Variants in STK39 observed in about 807,000 individuals in gnomAD.
STK39 encodes the protein STE20/SPS1-related proline-alanine-rich protein kinase.
In STK39, 20 loss-of-function variants were observed where a neutral mutation model predicts 77.8. That is an observed-to-expected ratio of 0.26 (90% CI 0.18 to 0.37). The LOEUF is 0.37. STK39 is among the 10% of genes least tolerant of loss of function. The pLI, the probability that STK39 is intolerant of heterozygous loss-of-function variation, is 1.00. For missense variants in STK39, 479 were observed against 656.5 expected, an observed-to-expected ratio of 0.73 and a Z score of 2.95; for synonymous variants, 246 against 234.1, an observed-to-expected ratio of 1.05 and a Z score of -0.47.
chr2:167,997,757 G>A (rs766144833), intron 16 of STK39, among the ~76,000 whole-genome samples: 1 of 152,122 alleles, frequency 6.6e-6, no homozygotes, highest in Admixed American at 6.6e-5. Flanking sequence ...CCTCAAAAGA[G>A]ACACATAAAA....
intron 14 of STK39, among the ~76,000 whole-genome samples, chr2:168,017,377 A>ATTTTTTTTTTTTTTTTTTTTTTTTT (rs386391743): frequency 1.1e-5 from 1 of 93,592 alleles, no homozygotes. Context: ...GGAAACCTTA[A>ATTTTTTTTTTTTTTTTTTTTTTTTT]TTTTTTTTTT....
chr2:168,031,953 T>C (rs924845717), intron 14 of STK39, among the ~76,000 whole-genome samples: 2 of 152,214 alleles, frequency 1.3e-5, no homozygotes, highest in Non-Finnish European at 2.9e-5. Context: ...ATACCACTCA[T>C]TATTACAATG....
At chr2:168,211,474 G>A (rs895325538) in intron 1 of STK39, among the ~76,000 whole-genome samples, 5 of 152,216 alleles carry the variant, frequency 3.3e-5, no homozygotes, top group East Asian at 1.9e-4. Flanking sequence ...ACCCTGTGAA[G>A]AGACAGGCCA....
chr2:167,989,592 G>A (rs1486710469), intron 16 of STK39, among the ~76,000 whole-genome samples: 1 of 152,096 alleles, frequency 6.6e-6, no homozygotes, highest in African/African-American at 2.4e-5. Context: ...AGTTAGCAGG[G>A]CCAAGCTGAT....
intron 5 of STK39, among the ~76,000 whole-genome samples, chr2:168,161,034 G>A (rs943424071): frequency 7.9e-5 from 12 of 152,040 alleles, no homozygotes; most frequent in African/African-American, 2.7e-4. Flanking sequence ...CATCTTACGC[G>A]TCTCTGCAAT....
At chr2:168,156,886 T>C (rs568702732) in intron 5 of STK39, among the ~76,000 whole-genome samples, 1 of 152,298 alleles carries the variant, frequency 6.6e-6, no homozygotes, top group South Asian at 2.1e-4. Context: ...CCAGCGCTGC[T>C]CGGGTGCCTT....
At chr2:168,030,920 G>A (rs542607484) in intron 14 of STK39, among the ~76,000 whole-genome samples, 14 of 152,314 alleles carry the variant, frequency 9.2e-5, no homozygotes, top group African/African-American at 3.1e-4. Context: ...ATCCATGCAC[G>A]AGAATACATC....
rs76612514 is a variant in STK39, at chr2:168,155,569, C to A, written c.628+6218G>T. 5.3e-5 allele frequency among the ~76,000 whole-genome samples: 8 copies of A among 151,708 alleles called. No homozygotes were observed. The East Asian group carries it at 9.7e-4, about 18-fold the overall frequency. On this transcript the variant is annotated intron_variant, in intron 5 of 17. Coordinates refer to ENST00000355999, the MANE Select transcript of STK39 (RefSeq NM_013233.3). ...CACTATAAAGCACTTGCACCCCCCC[C>A]ACCCCAACAGATTTTAATTTTCATG... is the stretch of plus-strand genomic sequence containing the variant.
chr2:168,240,293 G>A (rs1299353574), intron 1 of STK39, among the ~76,000 whole-genome samples: 3 of 152,192 alleles, frequency 2.0e-5, no homozygotes, highest in Admixed American at 1.3e-4. Context: ...TGAGGGTGAC[G>A]GGAGAGCTAC....
In STK39 at chr2:168,063,523, G is replaced by A. The variant is rs368771792; in HGVS notation, c.1353C>T (p.Ala451=). ...NEDYREASSC[A]VNLVLRLRNS... ...ACCTTAATCTCAAAACGAGGTTCAC[G>A]GCACAAGAAGAAGCTTCTCTGTAGT... is the stretch of plus-strand genomic sequence containing the variant. Residue 451 remains alanine (A), a synonymous_variant, in exon 14 of 18, where the codon GCC becomes GCT. Transcript: ENST00000355999. 5.6e-6 allele frequency: 9 copies of A among 1,612,990 alleles called. No individual in the cohort carries two copies. The highest frequency in any genetic ancestry group is 3.3e-5 in the South Asian group (3 of 90,872).
intron 15 of STK39, among the ~76,000 whole-genome samples, chr2:168,016,387 C>CAAAAAAAAAAAAA (rs869084308): frequency 5.6e-4 from 37 of 65,686 alleles, no homozygotes; most frequent in African/African-American, 2.0e-3. Context: ...GGCCTTTGTT[C>CAAAAAAAAAAAAA]AAAAAAAAAA....
At chr2:167,990,013 A>ATC (rs1559046763) in intron 16 of STK39, among the ~76,000 whole-genome samples, 53 of 152,214 alleles carry the variant, frequency 3.5e-4, no homozygotes, top group African/African-American at 1.2e-3. Context: ...GACCAATAAT[A>ATC]ATCATCATCA....
intron 1 of STK39, among the ~76,000 whole-genome samples, chr2:168,221,950 T>C (rs1442688095): frequency 6.6e-6 from 1 of 152,178 alleles, no homozygotes; most frequent in African/African-American, 2.4e-5. Flanking sequence ...CCACCCTGTT[T>C]CACGATTTAA....
intron 14 of STK39, among the ~76,000 whole-genome samples, chr2:168,046,608 T>G (rs933904060): frequency 1.3e-5 from 2 of 152,124 alleles, no homozygotes; most frequent in Non-Finnish European, 2.9e-5. Flanking sequence ...GGCCTATATC[T>G]CTTCAGAGAG....
At chr2:168,031,910 T>C (rs1364636409) in intron 14 of STK39, among the ~76,000 whole-genome samples, 2 of 152,226 alleles carry the variant, frequency 1.3e-5, no homozygotes, top group Non-Finnish European at 1.5e-5. Context: ...TGGTAAAAAC[T>C]AAATTTGTTC....
At chr2:168,066,420 G>A (rs1685796785) in intron 12 of STK39, among the ~76,000 whole-genome samples, 2 of 152,124 alleles carry the variant, frequency 1.3e-5, no homozygotes, top group African/African-American at 4.8e-5. Context: ...AGATGTTAGG[G>A]GAAAATGACT....
intron 14 of STK39, among the ~76,000 whole-genome samples, chr2:168,017,654 T>A (rs1017305814): frequency 2.6e-5 from 4 of 152,258 alleles, no homozygotes; most frequent in East Asian, 1.9e-4. Flanking sequence ...ATTACAGGCA[T>A]GAGCCACCAC....
chr2:168,197,234 A>T (rs1689495116), intron 1 of STK39, among the ~76,000 whole-genome samples: 1 of 152,240 alleles, frequency 6.6e-6, no homozygotes, highest in African/African-American at 2.4e-5. Context: ...GAGCCACAGG[A>T]CTTGCTGATA....
chr2:168,165,991 G>T (rs951079619), intron 3 of STK39, among the ~76,000 whole-genome samples: 1 of 152,140 alleles, frequency 6.6e-6, no homozygotes, highest in African/African-American at 2.4e-5. Context: ...GGGTATGCTG[G>T]GTGTTCCCAA....
Sources: gnomAD v4.1 joint callset for allele counts (sites outside exome capture counted in the v4.1 genomes callset) on GRCh38, gnomAD v4.1.1 for gene constraint, MANE v1.5 for transcripts, NCBI Gene and HGNC (gene_info 2026-07-23, HGNC 2026-07-21) for gene names.